The following LMNTD1 variants were observed in gnomAD, a reference collection of about 807,000 sequenced individuals.
LMNTD1 encodes the protein lamin tail domain containing 1, also known as lamin tail domain-containing protein 1.
Under a neutral mutation model 50.9 loss-of-function variants are expected in LMNTD1, and 35 were observed. That is an observed-to-expected ratio of 0.69 (90% CI 0.53 to 0.91). The LOEUF is 0.91. LMNTD1 is among the 40% of genes least tolerant of loss of function. The pLI is 0.00. For synonymous variants in LMNTD1, 153 were observed against 161.9 expected (o/e 0.94, Z 0.42); for missense variants, 470 against 475.5 (o/e 0.99, Z 0.11).
chr12:25,503,565 G>A (rs2135947510), intron 9 of LMNTD1, among the ~76,000 whole-genome samples, 173 bp downstream of exon 9: 1 of 152,260 alleles, frequency 6.6e-6, no homozygotes, highest in East Asian at 1.9e-4. Context: ...CATTCAACAT[G>A]AAGACAAAAA....
intron 1 of LMNTD1, among the ~76,000 whole-genome samples, chr12:25,572,221 T>G (rs534755572): frequency 9.9e-4 from 151 of 152,346 alleles, no homozygotes; most frequent in African/African-American, 3.6e-3. Context: ...CATCTATTAT[T>G]TAATCATCCA....
At chr12:25,640,515 A>AG (rs1946934864) in intron 1 of LMNTD1, among the ~76,000 whole-genome samples, 1 of 152,052 alleles carries the variant, frequency 6.6e-6, no homozygotes, top group Admixed American at 6.5e-5. Flanking sequence ...AAAAAAAAAA[A>AG]AAATCTAAAA....
chr12:25,603,917 T>C (rs755460490), intron 1 of LMNTD1, among the ~76,000 whole-genome samples: 3 of 150,056 alleles, frequency 2.0e-5, no homozygotes, highest in African/African-American at 7.3e-5. Flanking sequence ...ATTGTAGATA[T>C]AAGAAATACC....
At chr12:25,577,412 G>A (rs1478402669) in intron 1 of LMNTD1, among the ~76,000 whole-genome samples, 1 of 152,148 alleles carries the variant, frequency 6.6e-6, no homozygotes, top group Non-Finnish European at 1.5e-5. Context: ...CACATCCCTT[G>A]TAAGTTGGAT....
intron 1 of LMNTD1, among the ~76,000 whole-genome samples, chr12:25,609,114 G>T (rs1043475549): frequency 6.6e-6 from 1 of 151,862 alleles, no homozygotes; most frequent in Non-Finnish European, 1.5e-5. Context: ...TGATTGAATC[G>T]GCTACTGAAG....
intron 9 of LMNTD1, among the ~76,000 whole-genome samples, chr12:25,503,449 T>C (rs1189439769): frequency 6.6e-6 from 1 of 152,184 alleles, no homozygotes; most frequent in Non-Finnish European, 1.5e-5. Flanking sequence ...GAAGTGACTC[T>C]GGAGTTCAAG....
intron 1 of LMNTD1, among the ~76,000 whole-genome samples, chr12:25,640,410 G>A (rs1392821598): frequency 6.6e-6 from 1 of 151,722 alleles, no homozygotes; most frequent in East Asian, 2.0e-4. Flanking sequence ...AGAGACTGAG[G>A]TTGGAGGATC....
intron 1 of LMNTD1, among the ~76,000 whole-genome samples, chr12:25,607,461 G>A (rs1266971529): frequency 5.3e-5 from 8 of 152,084 alleles, no homozygotes; most frequent in Non-Finnish European, 1.2e-4. Context: ...GCTTTCTCTT[G>A]TGGGCTTTTA....
In LMNTD1 at chr12:25,549,395, T is replaced by G. The variant is rs751346910; in HGVS notation, c.241A>C (p.Ile81Leu). The G allele has an allele frequency of 1.9e-6, 3 of 1,613,270 alleles. No homozygotes were observed. Residue 81 changes from isoleucine to leucine, a missense_variant, in exon 3 of 10, where the codon ATA becomes CTA. Ile to Leu is a conservative substitution (Grantham distance 5). Transcript: ENST00000458174. ...LSSPQISRVT[I>L]STTGQLTSKA... ...GAAGTCAATTGTCCAGTTGTTGATATAGTTACTCTACTAATCTGAGGACTA... is the reference window on the plus strand; with the variant it reads ...GAAGTCAATTGTCCAGTTGTTGATAGAGTTACTCTACTAATCTGAGGACTA...
At chr12:25,574,483 T>C (rs1592050233) in intron 1 of LMNTD1, among the ~76,000 whole-genome samples, 1 of 152,140 alleles carries the variant, frequency 6.6e-6, no homozygotes, top group Non-Finnish European at 1.5e-5. Flanking sequence ...TTAATACCCA[T>C]GTCATGAAGG....
chr12:25,567,959 C>G (rs961012916), intron 1 of LMNTD1, among the ~76,000 whole-genome samples: 2 of 152,016 alleles, frequency 1.3e-5, no homozygotes, highest in Admixed American at 6.6e-5. Flanking sequence ...AACGTAGAAG[C>G]AACTGTGGAA....
chr12:25,563,288 A>C (rs1247883260), intron 1 of LMNTD1, among the ~76,000 whole-genome samples: 1 of 152,132 alleles, frequency 6.6e-6, no homozygotes, highest in African/African-American at 2.4e-5. Flanking sequence ...ATCTACCGTT[A>C]GTCTTTGATG....
chr12:25,587,688 C>A (rs113265627), intron 1 of LMNTD1, among the ~76,000 whole-genome samples: 2,926 of 152,340 alleles, frequency 0.019, 70 homozygotes, highest in African/African-American at 0.059. Flanking sequence ...TTGGAGAGGG[C>A]ATCCAACTAT....
intron 9 of LMNTD1, among the ~76,000 whole-genome samples, chr12:25,501,807 C>A (rs943056938): frequency 5.3e-5 from 8 of 151,382 alleles, no homozygotes; most frequent in African/African-American, 1.7e-4. Context: ...CAATTTTCCA[C>A]AAACTGACAA....
chr12:25,626,398 C>T (rs1408307164), intron 1 of LMNTD1, among the ~76,000 whole-genome samples: 1 of 151,864 alleles, frequency 6.6e-6, no homozygotes, highest in Admixed American at 6.6e-5. Context: ...TAAAGACATC[C>T]TTAAAAGTTA....
At chr12:25,638,397 G>T (rs1946881743) in intron 1 of LMNTD1, among the ~76,000 whole-genome samples, 1 of 151,926 alleles carries the variant, frequency 6.6e-6, no homozygotes, top group South Asian at 2.1e-4. Flanking sequence ...AGAAGTAGTA[G>T]TTTATCTATT....
intron 3 of LMNTD1, among the ~76,000 whole-genome samples, chr12:25,549,050 T>C (rs1017081676): frequency 3.9e-5 from 6 of 152,050 alleles, no homozygotes; most frequent in African/African-American, 1.2e-4. Flanking sequence ...TTCTAATGTA[T>C]GTTAGCGGTC....
chr12:25,545,366 C>A (rs1943370489), intron 4 of LMNTD1, among the ~76,000 whole-genome samples: 2 of 151,462 alleles, frequency 1.3e-5, no homozygotes, highest in African/African-American at 4.8e-5. Context: ...TTCTCTTTGT[C>A]CTTGACCTCT....
chr12:25,565,379 C>T (rs1469169902), intron 1 of LMNTD1, among the ~76,000 whole-genome samples: 2 of 152,070 alleles, frequency 1.3e-5, no homozygotes, highest in Admixed American at 6.5e-5. Flanking sequence ...TATCATGAGG[C>T]TTGCAAATAC....
Sources: gnomAD v4.1 joint callset for allele counts (sites outside exome capture counted in the v4.1 genomes callset) on GRCh38, gnomAD v4.1.1 for gene constraint, MANE v1.5 for transcripts, NCBI Gene and HGNC (gene_info 2026-07-23, HGNC 2026-07-21) for gene names.